IL3RA: variants seen among roughly 807,000 people sequenced by gnomAD.
IL3RA encodes the protein interleukin 3 receptor subunit alpha.
In IL3RA, 73 loss-of-function variants were observed where a neutral mutation model predicts 52.3. The observed-to-expected ratio is 1.40, with a 90% CI of 1.16 to 1.70. The LOEUF is 1.70. Ranked by LOEUF, IL3RA falls within the 40% of genes most tolerant of loss-of-function variation. IL3RA has a pLI of 0.00. For synonymous variants in IL3RA, 260 were observed against 194.0 expected, an observed-to-expected ratio of 1.34 and a Z score of -2.83; for missense variants, 664 against 504.4, an observed-to-expected ratio of 1.32 and a Z score of -3.03.
chrX:1,352,388 T>C lies in IL3RA; in HGVS notation c.498T>C (p.Arg166=). 6.2e-7 allele frequency: 1 copy of C among 1,613,844 alleles called. No homozygotes were observed. Among genetic ancestry groups the C allele is most frequent in the African/African-American group, 1.3e-5 (1 of 75,048 alleles). The change falls in exon 6 of 12, where the codon CGT becomes CGC. Residue 166 remains arginine, a synonymous_variant. Transcript: ENST00000331035. Reference sequence around the variant, plus strand: ...CTCAGGGAACACGTATCGGGTGTCGTTTCGATGACATCTCTCGACTCTCCA... The same window carrying C: ...CTCAGGGAACACGTATCGGGTGTCGCTTCGATGACATCTCTCGACTCTCCA... ...TDAQGTRIGC[R]FDDISRLSSG...
rs192823287 is a variant in IL3RA, at chrX:1,349,701, C to G, written c.298+1156C>G. ...TTCTGTGATGGAGTCTTGTTCTTGT[C>G]GCCCAGGCTGGAGTGCAGTGGTGCG... On this transcript the variant is annotated intron_variant, in intron 4 of 11. Coordinates refer to ENST00000331035, the MANE Select transcript of IL3RA (RefSeq NM_002183.4). Among the ~76,000 whole-genome samples, 174 of 151,950 alleles carry G rather than the reference C, an allele frequency of 1.1e-3. 1 individual carries two copies. The highest frequency in any genetic ancestry group is 4.1e-3 in the African/African-American group (168 of 41,480).
intron 9 of IL3RA, 107 bp from the exon 10 acceptor site, chrX:1,378,552 C>T (rs751620043): frequency 9.5e-4 from 910 of 954,826 alleles, no homozygotes; most frequent in Middle Eastern, 3.8e-3. Context: ...GACGCCACCC[C>T]ATATGGCAGC....
rs142385163 is a variant in IL3RA at position 1,352,224 on chromosome X, C to T, written c.423C>T (p.Asn141=). The change falls in exon 5 of 12, where the codon AAC becomes AAT. Residue 141 remains asparagine (N), a synonymous_variant. Coordinates refer to ENST00000331035, the MANE Select transcript of IL3RA (RefSeq NM_002183.4). ...PADVQYDLYL[N]VANRRQQYEC... is the part of the protein sequence containing the mutation. ...ACGTCCAGTACGACCTGTACTTGAA[C>T]GTTGCCAAGTAGGTGTGCCCGTGGG... The T allele has an allele frequency of 1.6e-3, 2,646 of 1,613,614 alleles. 9 individuals carry two copies. The highest frequency in any genetic ancestry group is 7.3e-3 in the Middle Eastern group (44 of 6,052).
intron 3 of IL3RA, among the ~76,000 whole-genome samples, chrX:1,346,596 G>C (rs1306850526): frequency 6.6e-6 from 1 of 151,888 alleles, no homozygotes; most frequent in Non-Finnish European, 1.5e-5. Flanking sequence ...GACAGAGTGA[G>C]ACTCCATCTC....
chrX:1,344,263 A>G (rs1325676373), intron 2 of IL3RA, among the ~76,000 whole-genome samples: 2 of 151,840 alleles, frequency 1.3e-5, no homozygotes, highest in African/African-American at 4.8e-5. Flanking sequence ...GTGAAACCCC[A>G]TCTCTAGTAA....
At chrX:1,342,818 G>C (rs1247486393) in intron 2 of IL3RA, among the ~76,000 whole-genome samples, 3 of 150,960 alleles carry the variant, frequency 2.0e-5, no homozygotes, top group East Asian at 4.1e-4. Flanking sequence ...CTCGGGGTTG[G>C]GATTACACAC....
chrX:1,349,516 T>C (rs1333130319), intron 4 of IL3RA, among the ~76,000 whole-genome samples: 2 of 151,922 alleles, frequency 1.3e-5, no homozygotes, highest in Non-Finnish European at 2.9e-5. Flanking sequence ...GTCGCTATGT[T>C]ACCTGAGCTG....
intron 10 of IL3RA, among the ~76,000 whole-genome samples, chrX:1,380,424 AGG>A: frequency 3.9e-4 from 1 of 2,562 alleles, no homozygotes; most frequent in Admixed American, 3.6e-3. Context: ...GGAAAAGGGG[AGG>A]GGGAGGGGGA....
chrX:1,378,525 TG>T, intron 9 of IL3RA, 133 bp from the exon 10 acceptor site: 1 of 722,938 alleles, frequency 1.4e-6, no homozygotes, highest in Non-Finnish European at 2.4e-6. Context: ...GTGGCACTAC[TG>T]GGGTGTCCCC....
At chrX:1,356,914 G>C (rs2086777289) in intron 7 of IL3RA, among the ~76,000 whole-genome samples, 1 of 151,990 alleles carries the variant, frequency 6.6e-6, no homozygotes, top group Non-Finnish European at 1.5e-5. Context: ...AAGCTTCCCA[G>C]ATATTTTTGA....
In IL3RA at chrX:1,378,654, C is replaced by A. The variant is rs773680808; in HGVS notation, c.875-5C>A. ...GTCTGTGACCCTCTCACCCTTTACC[C>A]CTAGAGTGCGACCAGGAGGAGGGCG... On this transcript the variant is annotated splice_polypyrimidine_tract_variant and splice_region_variant and intron_variant, in intron 9 of 11. Coordinates refer to ENST00000331035, the MANE Select transcript of IL3RA (RefSeq NM_002183.4). 2.5e-6 allele frequency: 4 copies of A among 1,611,534 alleles called. No individual in the cohort carries two copies. Among genetic ancestry groups the A allele is most frequent in the South Asian group, 2.2e-5 (2 of 90,944 alleles).
At chrX:1,340,648 T>C (rs1455112192) in intron 1 of IL3RA, among the ~76,000 whole-genome samples, 1 of 152,134 alleles carries the variant, frequency 6.6e-6, no homozygotes. Flanking sequence ...CACAGATACA[T>C]ATGCATTCAA....
At chrX:1,350,544 G>A (rs752684457) in intron 4 of IL3RA, among the ~76,000 whole-genome samples, 2 of 144,332 alleles carry the variant, frequency 1.4e-5, no homozygotes, top group African/African-American at 5.2e-5. Context: ...AGCTGAGATC[G>A]TGCCATTGCT....
chrX:1,342,125 A>G (rs1172914144), intron 2 of IL3RA, among the ~76,000 whole-genome samples: 14 of 151,870 alleles, frequency 9.2e-5, no homozygotes, highest in Admixed American at 5.3e-4. Flanking sequence ...ACCAATAACA[A>G]TTTCCAGTTT....
intron 1 of IL3RA, among the ~76,000 whole-genome samples, chrX:1,337,429 A>G (rs762796808): frequency 6.6e-6 from 1 of 152,182 alleles, no homozygotes; most frequent in Admixed American, 6.6e-5. Context: ...CGGGACTCAG[A>G]ATGTTCCAGA....
chrX:1,350,638 A>G (rs1168142327), intron 4 of IL3RA, among the ~76,000 whole-genome samples: 1 of 148,698 alleles, frequency 6.7e-6, no homozygotes, highest in Non-Finnish European at 1.5e-5. Flanking sequence ...CCAGTGGCTC[A>G]CACCTGTAAT....
intron 3 of IL3RA, 125 bp from the exon 4 acceptor site, chrX:1,348,306 T>C (rs1334469012): frequency 2.7e-6 from 2 of 751,176 alleles, no homozygotes; most frequent in Admixed American, 3.7e-5. Flanking sequence ...TGAGCCGAGA[T>C]CACGCCACTG....
intron 8 of IL3RA, among the ~76,000 whole-genome samples, chrX:1,359,684 C>T (rs2087026627): frequency 6.6e-6 from 1 of 150,514 alleles, no homozygotes; most frequent in Admixed American, 6.6e-5. Flanking sequence ...CTGTCTCTAT[C>T]TTTCTCCCTT....
At chrX:1,380,850 T>C (rs1454010847) in intron 10 of IL3RA, among the ~76,000 whole-genome samples, 173 bp from the exon 11 acceptor site, 11 of 150,680 alleles carry the variant, frequency 7.3e-5, no homozygotes, top group Admixed American at 2.0e-4. Flanking sequence ...CTGCCTATGA[T>C]GATGGTCGGG....
Sources: gnomAD v4.1 joint callset for allele counts (sites outside exome capture counted in the v4.1 genomes callset) on GRCh38, gnomAD v4.1.1 for gene constraint, MANE v1.5 for transcripts, NCBI Gene and HGNC (gene_info 2026-07-23, HGNC 2026-07-21) for gene names.